ARMC8: variants seen among roughly 807,000 people sequenced by gnomAD.
ARMC8 encodes the protein armadillo repeat containing 8, also known as armadillo repeat-containing protein 8.
ARMC8 carries 20 observed loss-of-function variants against 99.3 expected under a neutral mutation model. The observed-to-expected ratio is 0.20, with a 90% CI of 0.14 to 0.29. ARMC8 has a LOEUF of 0.29. Ranked by LOEUF, ARMC8 falls within the 10% of genes least tolerant of loss-of-function variation. ARMC8 has a pLI of 1.00. For missense variants in ARMC8, 569 were observed against 809.5 expected (o/e 0.70, Z 3.60); for synonymous variants, 263 against 278.3 (o/e 0.95, Z 0.55).
chr3:138,241,079 C>T (rs981792126), intron 10 of ARMC8, among the ~76,000 whole-genome samples: 1 of 152,146 alleles, frequency 6.6e-6, no homozygotes, highest in East Asian at 1.9e-4. Context: ...TAGTAAATGT[C>T]TGTAATATTT....
At chr3:138,212,697 A>C (rs2044768901) in intron 2 of ARMC8, among the ~76,000 whole-genome samples, 1 of 152,174 alleles carries the variant, frequency 6.6e-6, no homozygotes, top group Admixed American at 6.5e-5. Flanking sequence ...TGATTTTTAT[A>C]CACCTCACAG....
intron 1 of ARMC8, among the ~76,000 whole-genome samples, chr3:138,208,960 C>G (rs2044544955): frequency 6.6e-6 from 1 of 152,190 alleles, no homozygotes; most frequent in Non-Finnish European, 1.5e-5. Context: ...CTACAGATCA[C>G]TCTAATTCTT....
At chr3:138,200,338 T>G (rs2043982319) in intron 1 of ARMC8, among the ~76,000 whole-genome samples, 1 of 138,562 alleles carries the variant, frequency 7.2e-6, no homozygotes, top group Non-Finnish European at 1.5e-5. Flanking sequence ...TATGTGACTT[T>G]CTGAAATGAA....
chr3:138,225,538 AT>A (rs1559951783), intron 5 of ARMC8, among the ~76,000 whole-genome samples: 1 of 152,116 alleles, frequency 6.6e-6, no homozygotes, highest in East Asian at 1.9e-4. Context: ...CAAGAAGCAT[AT>A]TTTCCATTGC....
chr3:138,209,831 C>G lies in ARMC8; in HGVS notation c.60C>G (p.Ser20Arg). The change falls in exon 2 of 22, where the codon AGC becomes AGG. Residue 20 changes from serine (S) to arginine (R), a missense_variant. Coordinates refer to ENST00000469044, the MANE Select transcript of ARMC8 (RefSeq NM_001363941.2). ...CCACTTTCTAGGAAGTAACAGCTAG[C>G]AGTCGCCACTATGTTGACAGGCTAT... Reference protein sequence around the residue: ...RMSVLSEVTASSRHYVDRLFD... With the variant: ...RMSVLSEVTARSRHYVDRLFD... The G allele has an allele frequency of 6.2e-7, 1 of 1,613,764 alleles. No homozygotes were observed. The highest frequency in any genetic ancestry group is 8.5e-7 in the Non-Finnish European group (1 of 1,179,776).
At chr3:138,291,273 G>A (rs923840304) in intron 21 of ARMC8, among the ~76,000 whole-genome samples, 4 of 152,176 alleles carry the variant, frequency 2.6e-5, no homozygotes, top group African/African-American at 9.7e-5. Flanking sequence ...AAGCCCTTCA[G>A]CCCTTAATGG....
At chr3:138,266,283 C>T (rs1216903052) in intron 14 of ARMC8, among the ~76,000 whole-genome samples, 1 of 152,086 alleles carries the variant, frequency 6.6e-6, no homozygotes, top group African/African-American at 2.4e-5. Flanking sequence ...TATTTACCTA[C>T]ACTCTACTCT....
Position 138,215,505 on chromosome 3 carries a change from C to T in ARMC8, c.122+5612C>T, listed in dbSNP as rs1458046509. On this transcript the variant is annotated intron_variant, in intron 2 of 21. Coordinates refer to ENST00000469044, the MANE Select transcript of ARMC8 (RefSeq NM_001363941.2). ...TGCTGGGATTACAAGCATGAGCCAC[C>T]GTGTCCGGCTAAATTATCTTTTCAA... 3.3e-5 allele frequency among the ~76,000 whole-genome samples: 5 copies of T among 152,130 alleles called. No homozygotes were observed. In the East Asian group the frequency reaches 5.8e-4, roughly 18 times the overall value.
intron 21 of ARMC8, among the ~76,000 whole-genome samples, chr3:138,292,590 G>C (rs934829059): frequency 6.6e-6 from 1 of 152,186 alleles, no homozygotes; most frequent in East Asian, 1.9e-4. Flanking sequence ...TAGGGTTTTA[G>C]CCTGAGCAAC....
At chr3:138,255,337 G>A (rs1359333946) in intron 12 of ARMC8, among the ~76,000 whole-genome samples, 1 of 151,764 alleles carries the variant, frequency 6.6e-6, no homozygotes, top group African/African-American at 2.4e-5. Flanking sequence ...CAAGTAGCTG[G>A]GACTACAGGC....
intron 12 of ARMC8, among the ~76,000 whole-genome samples, chr3:138,257,786 G>T (rs1460798026): frequency 6.6e-6 from 1 of 152,108 alleles, no homozygotes; most frequent in African/African-American, 2.4e-5. Flanking sequence ...AGACTAAATT[G>T]CCATCCGCAC....
intron 2 of ARMC8, among the ~76,000 whole-genome samples, chr3:138,213,196 A>G (rs113534553): frequency 0.034 from 5,198 of 152,344 alleles, 319 homozygotes; most frequent in African/African-American, 0.12. Context: ...ATAGTCTACA[A>G]CTAATCTACT....
intron 12 of ARMC8, among the ~76,000 whole-genome samples, chr3:138,258,308 G>A (rs2047503743): frequency 6.6e-6 from 1 of 152,164 alleles, no homozygotes; most frequent in Admixed American, 6.5e-5. Context: ...CTAGTATCAA[G>A]AATGTTTCAT....
intron 6 of ARMC8, 174 bp downstream of exon 6, chr3:138,229,184 G>GTATATGTATATGTATATATAAAATATATA (rs2045901165): frequency 4.8e-5 from 1 of 21,004 alleles, no homozygotes; most frequent in African/African-American, 1.6e-4. Flanking sequence ...ATATATATAT[G>GTATATGTATATGTATATATAAAATATATA]TATATGTATA....
chr3:138,243,417 A>AC (rs2046723880), intron 11 of ARMC8, among the ~76,000 whole-genome samples: 1 of 152,202 alleles, frequency 6.6e-6, no homozygotes, highest in African/African-American at 2.4e-5. Flanking sequence ...AGAAATCTTC[A>AC]CATGTTAATA....
intron 12 of ARMC8, chr3:138,261,771 A>G (rs1255736990): frequency 6.6e-6 from 1 of 152,224 alleles, no homozygotes; most frequent in Non-Finnish European, 1.5e-5. Context: ...ATCAAGGTAG[A>G]TAGGCTTTGA....
chr3:138,206,206 A>G (rs1028056944), intron 1 of ARMC8, among the ~76,000 whole-genome samples: 3 of 152,258 alleles, frequency 2.0e-5, no homozygotes, highest in Non-Finnish European at 4.4e-5. Context: ...GTAAACTCAT[A>G]TACCCAAGTA....
At position 138,274,529 on chromosome 3, in the gene ARMC8, T is replaced by C; in HGVS notation, c.1710T>C (p.Ile570=). The C allele has an allele frequency of 6.2e-7, 1 of 1,612,546 alleles. No homozygotes were observed. Among genetic ancestry groups the C allele is most frequent in the Non-Finnish European group, 8.5e-7 (1 of 1,178,734 alleles). Reference sequence around the variant, plus strand: ...TTATTCTAGAAGGGGAACATAACATTGAGGTCAAAGAGCAGGTACGTTGTT... The same window carrying C: ...TTATTCTAGAAGGGGAACATAACATCGAGGTCAAAGAGCAGGTACGTTGTT... ...VTLILEGEHN[I]EVKEQTLCIL... is the part of the protein sequence containing the mutation. Residue 570 remains isoleucine, a synonymous_variant, in exon 18 of 22, where the codon ATT becomes ATC. Coordinates refer to ENST00000469044, the MANE Select transcript of ARMC8 (RefSeq NM_001363941.2).
At chr3:138,268,291 T>C (rs1006292764) in intron 15 of ARMC8, among the ~76,000 whole-genome samples, 2 of 152,048 alleles carry the variant, frequency 1.3e-5, no homozygotes, top group African/African-American at 4.8e-5. Flanking sequence ...GAAATAGTTA[T>C]TCAACAAGCA....
Sources: allele counts gnomAD v4.1 joint callset (sites outside exome capture counted in the v4.1 genomes callset), GRCh38; gene constraint gnomAD v4.1.1; transcripts MANE v1.5; gene names NCBI Gene and HGNC (gene_info 2026-07-23, HGNC 2026-07-21).